CARMIL2: variants seen among roughly 807,000 people sequenced by gnomAD.
CARMIL2 encodes the protein capping protein, Arp2/3 and myosin-I linker protein 2.
CARMIL2 carries 96 observed loss-of-function variants against 173.3 expected under a neutral mutation model. The observed-to-expected ratio is 0.55, with a 90% confidence interval of 0.47 to 0.66. The LOEUF is 0.66. Ranked by LOEUF, CARMIL2 falls within the 30% of genes least tolerant of loss-of-function variation. CARMIL2 has a pLI of 0.00. For synonymous variants in CARMIL2, 830 were observed against 817.1 expected (o/e 1.02, Z -0.27); for missense variants, 1,771 against 1,906.7 (o/e 0.93, Z 1.33).
At chr16:67,647,273 G>T in intron 9 of CARMIL2, 26 bp from the exon 10 acceptor site, 1 of 1,609,472 alleles carries the variant, frequency 6.2e-7, no homozygotes, top group Non-Finnish European at 8.5e-7. Context: ...GGTGCAGCCC[G>T]TGAGCCGCCG....
Position 67,648,899 on chromosome 16 carries a change from TCGGCCG to T in CARMIL2, c.1517_1522del (p.Ser506_Gly508delinsCys). 1 of 1,605,172 alleles carries T rather than the reference TCGGCCG, an allele frequency of 6.2e-7. No homozygotes were observed. The highest frequency in any genetic ancestry group is 8.5e-7 in the Non-Finnish European group (1 of 1,176,472). On this transcript the variant is annotated inframe_deletion, in exon 17 of 38. Coordinates refer to ENST00000334583, the MANE Select transcript of CARMIL2 (RefSeq NM_001013838.3). This position sits in a 1 kb window ranked among gnomAD's most constrained non-coding sequence, Gnocchi z 6.1. ...TCCCACCTCCCACATACAGCTGCGC[TCGGCCG>T]GCGCCCAGGTGATACAAGACTTAGT...
In CARMIL2 at chr16:67,648,917, A is replaced by G. The variant is rs1239491609; in HGVS notation, c.1534A>G (p.Ile512Val). 2 of 1,608,952 alleles carry G rather than the reference A, an allele frequency of 1.2e-6. No individual in the cohort carries two copies. Among genetic ancestry groups the G allele is most frequent in the Non-Finnish European group, 1.7e-6 (2 of 1,178,044 alleles). Residue 512 changes from isoleucine to valine, a missense_variant, in exon 17 of 38, where the codon ATA becomes GTA. Physicochemically the swap from Ile to Val is conservative, Grantham distance 29. Around this residue, in one of 3 missense-constraint regions of CARMIL2, gnomAD observed 944 missense variants for 975.6 expected, o/e 0.97. Coordinates refer to ENST00000334583, the MANE Select transcript of CARMIL2 (RefSeq NM_001013838.3). The surrounding 1 kb of genome is among the most constrained non-coding windows in gnomAD (Gnocchi z 6.1). ...CELRSAGAQVIQDLVCDAGAV... is the reference protein window; with the variant it reads ...CELRSAGAQVVQDLVCDAGAV... ...GCTGCGCTCGGCCGGCGCCCAGGTG[A>G]TACAAGACTTAGTGTGCGACGCAGG...
In CARMIL2 at chr16:67,647,176, T is replaced by C; in HGVS notation, c.672T>C (p.Cys224=). The change falls in exon 9 of 38, where the codon TGT becomes TGC. Residue 224 remains cysteine (C), a synonymous_variant. Coordinates refer to ENST00000334583, the MANE Select transcript of CARMIL2 (RefSeq NM_001013838.3). The stretch of plus-strand genomic sequence containing the variant: ...ACCTGTGGTTCCGGTGCCTCTCCTG[T>C]GTGGACATGAAGCTGGTGAGGGGGT... The part of the protein sequence containing the change: ...SYNLWFRCLS[C]VDMKLSLEVS... 6.2e-7 allele frequency: 1 copy of C among 1,613,616 alleles called. No individual in the cohort carries two copies.
rs376677033 is a variant in CARMIL2, at chr16:67,647,706, G to C, written c.898G>C (p.Glu300Gln). 48 of 1,598,786 alleles carry C rather than the reference G, an allele frequency of 3.0e-5. No homozygotes were observed. Among genetic ancestry groups the C allele is most frequent in the Non-Finnish European group, 3.6e-5 (42 of 1,174,058 alleles). Residue 300 changes from glutamate (E) to glutamine (Q), a missense_variant, in exon 12 of 38, where the codon GAG becomes CAG. This residue lies in a region of CARMIL2 where 944 missense variants were observed against 975.6 expected (regional missense o/e 0.97). Transcript: ENST00000334583. ...CATGACTGCACTCAGCAGACACCTC[G>C]AGCGTTGTCCAGGAGCCCTGAGGAG... ...RGMTALSRHL[E>Q]RCPGALRRLS...
Position 67,654,393 on chromosome 16 carries a change from C to G in CARMIL2, c.3283C>G (p.Arg1095Gly), listed in dbSNP as rs1387570504. ...CGCCACTCCTGTCCCCCGTACACTG[C>G]GAAAGAAGCTGGGCACCCTCTTTGC... ...GGATPVPRTL[R>G]KKLGTLFAFK... The change falls in exon 31 of 38, where the codon CGA becomes GGA. Residue 1095 changes from arginine (R) to glycine (G), a missense_variant. Coordinates refer to ENST00000334583, the MANE Select transcript of CARMIL2 (RefSeq NM_001013838.3). 2 of 1,608,568 alleles carry G rather than the reference C, an allele frequency of 1.2e-6. No homozygotes were observed. The highest frequency in any genetic ancestry group is 2.7e-5 in the African/African-American group (2 of 74,836).
chr16:67,652,722 G>A lies in CARMIL2; in HGVS notation c.2884+184G>A, dbSNP rs954681460. Among the ~76,000 whole-genome samples the A allele has an allele frequency of 2.0e-5, 3 of 152,170 alleles. No homozygotes were observed. The highest frequency in any genetic ancestry group is 6.5e-5 in the Admixed American group (1 of 15,284). On this transcript the variant is annotated intron_variant, in intron 28 of 37. Coordinates refer to ENST00000334583, the MANE Select transcript of CARMIL2 (RefSeq NM_001013838.3). The surrounding 1 kb of genome is among the most constrained non-coding windows in gnomAD (Gnocchi z 4.7). The stretch of plus-strand genomic sequence containing the variant: ...GGGTCTGCTGTGGTCAGCCCGGGGC[G>A]GGACCTGGGCGGATCTGGGACAGGA...
rs2142964995 is a variant in CARMIL2, at chr16:67,657,520, C to T, written c.*2C>T. 4 of 1,613,458 alleles carry T rather than the reference C, an allele frequency of 2.5e-6. No individual in the cohort carries two copies. The highest frequency in any genetic ancestry group is 1.3e-5 in the African/African-American group (1 of 75,038). ...AGAGGCGGCGGCCCCAATCCCTGAT[C>T]CTCTCCTCTCCTGCCGCATGAGATT... On this transcript the variant is annotated 3_prime_UTR_variant, in exon 38 of 38. Coordinates refer to ENST00000334583, the MANE Select transcript of CARMIL2 (RefSeq NM_001013838.3). The surrounding 1 kb of genome is among the most constrained non-coding windows in gnomAD (Gnocchi z 4.5).
At chr16:67,656,682 C>T (rs2052864375) in intron 35 of CARMIL2, 37 bp downstream of exon 35, 1 of 1,574,706 alleles carries the variant, frequency 6.4e-7, no homozygotes, top group Non-Finnish European at 8.6e-7. Context: ...CAATCCTGGC[C>T]TCGGGGCTGG....
At position 67,652,601 on chromosome 16, in the gene CARMIL2, G is replaced by A; in HGVS notation, c.2884+63G>A. Reference sequence around the variant, plus strand: ...GGGCTGAAGCTCCATTAGACTTGGGGACCCGGGGACCTGGATGAACTCATT... The same window carrying A: ...GGGCTGAAGCTCCATTAGACTTGGGAACCCGGGGACCTGGATGAACTCATT... On this transcript the variant is annotated intron_variant, in intron 28 of 37. Coordinates refer to ENST00000334583, the MANE Select transcript of CARMIL2 (RefSeq NM_001013838.3). This position sits in a 1 kb window ranked among gnomAD's most constrained non-coding sequence, Gnocchi z 4.7. 3 of 1,490,594 alleles carry A rather than the reference G, an allele frequency of 2.0e-6. No individual in the cohort carries two copies. Among genetic ancestry groups the A allele is most frequent in the Non-Finnish European group, 1.9e-6 (2 of 1,077,706 alleles). 92.3% of individuals were successfully genotyped at this position (1,490,594 alleles called of 1,614,324 possible).
chr16:67,650,382 G>C, intron 22 of CARMIL2: 1 of 571,480 alleles, frequency 1.7e-6, no homozygotes, highest in Non-Finnish European at 3.1e-6. Context: ...TGTCCTGTTA[G>C]AGAGGAATTT....
rs754898274 is a variant in CARMIL2 at position 67,648,868 on chromosome 16, C to T, written c.1510-25C>T. ...CTCGCGGCCTAAGTGGGTCCCACTT[C>T]CCACCTCCCACCTCCCACATACAGC... On this transcript the variant is annotated intron_variant, in intron 16 of 37. Transcript: ENST00000334583. The surrounding 1 kb of genome is among the most constrained non-coding windows in gnomAD (Gnocchi z 6.1). 34 of 1,592,272 alleles carry T rather than the reference C, an allele frequency of 2.1e-5. No homozygotes were observed. Among genetic ancestry groups the T allele is most frequent in the Non-Finnish European group, 2.6e-5 (31 of 1,170,110 alleles).
Position 67,647,529 on chromosome 16 carries a change from C to T in CARMIL2, c.798C>T (p.Ala266=). ...SLRGDFVRRL[A]QALAGHSSSG... is the part of the protein sequence containing the mutation. ...CCAGAGACTTTGTCCGACGACTGGC[C>T]CAGGCGCTGGCGGGACACTCAAGCT... The change falls in exon 11 of 38, where the codon GCC becomes GCT. Residue 266 remains alanine, a synonymous_variant. Transcript: ENST00000334583. 2 of 1,608,552 alleles carry T rather than the reference C, an allele frequency of 1.2e-6. No homozygotes were observed. Among genetic ancestry groups the T allele is most frequent in the Non-Finnish European group, 1.7e-6 (2 of 1,177,836 alleles).
Position 67,648,644 on chromosome 16 carries a change from CT to C in CARMIL2, c.1440-40del. 3.8e-6 allele frequency: 6 copies of C among 1,572,082 alleles called. No individual in the cohort carries two copies. Among genetic ancestry groups the C allele is most frequent in the Non-Finnish European group, 5.2e-6 (6 of 1,156,552 alleles). On this transcript the variant is annotated intron_variant, in intron 15 of 37. Transcript: ENST00000334583. This position sits in a 1 kb window ranked among gnomAD's most constrained non-coding sequence, Gnocchi z 6.1. The stretch of plus-strand genomic sequence containing the variant: ...TCCTTCGTTCGCACCCTGGAGCCCC[CT>C]GTCCCAGCTCCCGCCACCCCGTGTA...
chr16:67,652,943 C>T lies in CARMIL2; in HGVS notation c.2885-76C>T, dbSNP rs1250870091. 1.5e-5 allele frequency: 10 copies of T among 648,788 alleles called. No homozygotes were observed. The highest frequency in any genetic ancestry group is 3.0e-5 in the South Asian group (1 of 33,290). 40.2% of individuals were successfully genotyped at this position (648,788 alleles called of 1,614,324 possible). A position where few individuals can be genotyped will look rare whatever the true frequency, so the allele number is the denominator to read the frequency against. ...GCCCCTCCCCGCGCCCTGGGCGGGT[C>T]CCCCGCCGCCCTAGCGCCTCCGCCG... is the stretch of plus-strand genomic sequence containing the variant. On this transcript the variant is annotated intron_variant, in intron 28 of 37. Coordinates refer to ENST00000334583, the MANE Select transcript of CARMIL2 (RefSeq NM_001013838.3). This position sits in a 1 kb window ranked among gnomAD's most constrained non-coding sequence, Gnocchi z 4.7.
rs1311305459 is a variant in CARMIL2 at position 67,649,214 on chromosome 16, C to T, written c.1689-40C>T. 3.1e-6 allele frequency: 5 copies of T among 1,612,882 alleles called. No homozygotes were observed. In the East Asian group the frequency reaches 8.9e-5, roughly 29 times the overall value. ...CTCCTGGGCCTCCCAGACAACACCC[C>T]ACCACCCCTGTCCCCCACAACTGCG... On this transcript the variant is annotated intron_variant, in intron 18 of 37. Coordinates refer to ENST00000334583, the MANE Select transcript of CARMIL2 (RefSeq NM_001013838.3). The surrounding 1 kb of genome is among the most constrained non-coding windows in gnomAD (Gnocchi z 6.7).
Position 67,652,526 on chromosome 16 carries a change from C to G in CARMIL2, c.2872C>G (p.Pro958Ala). Reference protein sequence around the residue: ...PELSHGLHLVPFIHSAAEEAE... With the variant: ...PELSHGLHLVAFIHSAAEEAE... ...GCTCAGCCACGGTCTTCACCTGGTC[C>G]CCTTCATTCACAGTAAGTCAGGGCC... The change falls in exon 28 of 38, where the codon CCC (proline) becomes GCC (alanine). Residue 958 changes from proline (P) to alanine (A), a missense_variant. This residue lies in a region of CARMIL2 where 817 missense variants were observed against 903.5 expected (regional missense o/e 0.90). Coordinates refer to ENST00000334583, the MANE Select transcript of CARMIL2 (RefSeq NM_001013838.3). The surrounding 1 kb of genome is among the most constrained non-coding windows in gnomAD (Gnocchi z 4.7). 6.2e-7 allele frequency: 1 copy of G among 1,613,480 alleles called. No individual in the cohort carries two copies. Among genetic ancestry groups the G allele is most frequent in the Non-Finnish European group, 8.5e-7 (1 of 1,179,776 alleles).
rs1348307787 is a variant in CARMIL2, at chr16:67,646,218, G to A, written c.282G>A (p.Leu94=). 6.2e-7 allele frequency: 1 copy of A among 1,613,844 alleles called. No individual in the cohort carries two copies. The highest frequency in any genetic ancestry group is 1.1e-5 in the South Asian group (1 of 91,084). The change falls in exon 5 of 38, where the codon CTG becomes CTA. Residue 94 remains leucine (L), a synonymous_variant. Transcript: ENST00000334583. This position sits in a 1 kb window ranked among gnomAD's most constrained non-coding sequence, Gnocchi z 4.6. ...VTFELESLRE[L]VLEFPGVAAL... ...TTGAGCTGGAGTCCCTGCGTGAGCT[G>A]GTCCTGGAGTTTCCTGGTGTGGCCG...
rs777618312 is a variant in CARMIL2, at chr16:67,657,539, T to TGA, written c.*24_*25dup. 6.2e-7 allele frequency: 1 copy of TGA among 1,613,790 alleles called. No homozygotes were observed. The highest frequency in any genetic ancestry group is 8.5e-7 in the Non-Finnish European group (1 of 1,179,734). On this transcript the variant is annotated 3_prime_UTR_variant, in exon 38 of 38. Transcript: ENST00000334583. This position sits in a 1 kb window ranked among gnomAD's most constrained non-coding sequence, Gnocchi z 4.5. The stretch of plus-strand genomic sequence containing the variant: ...CCTGATCCTCTCCTCTCCTGCCGCA[T>TGA]GAGATTATTTTATTAAAAAACTCAA...
chr16:67,653,230 C>A lies in CARMIL2; in HGVS notation c.3096C>A (p.His1032Gln), dbSNP rs1036095732. Residue 1032 changes from histidine (H) to glutamine (Q), a missense_variant, in exon 29 of 38, where the codon CAC becomes CAA. Physicochemically the swap from His to Gln is conservative, Grantham distance 24. Transcript: ENST00000334583. This position sits in a 1 kb window ranked among gnomAD's most constrained non-coding sequence, Gnocchi z 7.4. ...CGCGGCCGCGCCGCCAGCACCACCACCGCCCGCCGCCGGGGGGCCCCCAGG... is the reference window on the plus strand; with the variant it reads ...CGCGGCCGCGCCGCCAGCACCACCAACGCCCGCCGCCGGGGGGCCCCCAGG... ...ARPRPRRQHH[H>Q]RPPPGGPQVP... 2 of 1,138,452 alleles carry A rather than the reference C, an allele frequency of 1.8e-6. No homozygotes were observed. The highest frequency in any genetic ancestry group is 4.4e-5 in the East Asian group (1 of 22,518). 70.5% of individuals were successfully genotyped at this position (1,138,452 alleles called of 1,614,324 possible). A position where few individuals can be genotyped will look rare whatever the true frequency, so the allele number is the denominator to read the frequency against.
Sources: allele counts gnomAD v4.1 joint callset (sites outside exome capture counted in the v4.1 genomes callset), GRCh38; gene constraint gnomAD v4.1.1; regional missense constraint gnomAD v4.1.1; non-coding constraint Gnocchi (gnomAD v3.1); transcripts MANE v1.5; gene names NCBI Gene and HGNC (gene_info 2026-07-23, HGNC 2026-07-21).